Variants in ADAR observed in about 807,000 individuals in gnomAD.
The protein encoded by ADAR is adenosine deaminase RNA specific.
A neutral mutation model predicts 113.2 loss-of-function variants in ADAR; 41 were observed. The ratio of observed to expected loss-of-function variants is 0.36; its 90% CI spans 0.28 to 0.47. The LOEUF is 0.47. Among genes scored for constraint, ADAR ranks in the 20% least tolerant of loss-of-function variants. The pLI is 1.00. For synonymous variants in ADAR, 605 were observed against 572.6 expected, an observed-to-expected ratio of 1.06 and a Z score of -0.81; for missense variants, 1,242 against 1,540.9, an observed-to-expected ratio of 0.81 and a Z score of 3.25.
chr1:154,619,749 C>T (rs191813551), intron 1 of ADAR, among the ~76,000 whole-genome samples: 1 of 152,218 alleles, frequency 6.6e-6, no homozygotes, highest in East Asian at 1.9e-4. Context: ...AATGGGATGC[C>T]GCTTCACAGC....
chr1:154,596,872 C>A lies in ADAR; in HGVS notation c.2203G>T (p.Ala735Ser). 1 of 1,614,106 alleles carries A rather than the reference C, an allele frequency of 6.2e-7. No individual in the cohort carries two copies. The highest frequency in any genetic ancestry group is 8.5e-7 in the Non-Finnish European group (1 of 1,180,032). Residue 735 changes from alanine to serine, a missense_variant, in exon 6 of 15, where the codon GCC (alanine) becomes TCC (serine). Physicochemically the swap from Ala to Ser is moderately conservative, Grantham distance 99 (BLOSUM62 1). This residue lies in a region of ADAR where 780 missense variants were observed against 1,057.9 expected (regional missense o/e 0.74). Coordinates refer to ENST00000368474, the MANE Select transcript of ADAR (RefSeq NM_001111.5). ...TCAGCAGCAAAGCCATGGGAGCGGG[C>A]GTACTCCAAAAGGCCACCCACAGGG... Reference protein sequence around the residue: ...TNPVGGLLEYARSHGFAAEFK... With the variant: ...TNPVGGLLEYSRSHGFAAEFK...
intron 2 of ADAR, 96 bp downstream of exon 2, chr1:154,600,945 C>T (rs954134696): frequency 6.5e-7 from 1 of 1,538,946 alleles, no homozygotes; most frequent in Non-Finnish European, 9.0e-7. Flanking sequence ...AAGATAGGCG[C>T]CACCAAACAG....
intron 1 of ADAR, among the ~76,000 whole-genome samples, chr1:154,626,273 C>A (rs986879449): frequency 6.6e-6 from 1 of 151,906 alleles, no homozygotes; most frequent in South Asian, 2.1e-4. Context: ...CACCATCATG[C>A]TGGTCTAATT....
At chr1:154,626,201 A>C (rs1698933350) in intron 1 of ADAR, among the ~76,000 whole-genome samples, 1 of 136,040 alleles carries the variant, frequency 7.4e-6, no homozygotes, top group Admixed American at 7.2e-5. Context: ...TGCAACCTCC[A>C]CCACCTGGGT....
chr1:154,627,523 C>A (rs921089850), intron 1 of ADAR, among the ~76,000 whole-genome samples: 7 of 152,010 alleles, frequency 4.6e-5, no homozygotes, highest in Admixed American at 1.3e-4. Context: ...TGGTACCCAG[C>A]TGTTGGGCCT....
rs763259702 is a variant in ADAR, at chr1:154,601,076, G to A, written c.1566C>T (p.Asn522=). The A allele has an allele frequency of 1.2e-6, 2 of 1,614,204 alleles. No homozygotes were observed. Among genetic ancestry groups the A allele is most frequent in the South Asian group, 1.1e-5 (1 of 91,078 alleles). The change falls in exon 2 of 15, where the codon AAC becomes AAT. Residue 522 remains asparagine, a synonymous_variant. Transcript: ENST00000368474. This position sits in a 1 kb window ranked among gnomAD's most constrained non-coding sequence, Gnocchi z 4.7. Reference sequence around the variant, plus strand: ...GGGGTGGTCCACTCTGCTCTATCATGTTGAACTCACAGGTTTGACTAGCGA... The same window carrying A: ...GGGGTGGTCCACTCTGCTCTATCATATTGAACTCACAGGTTTGACTAGCGA... ...AQFASQTCEF[N]MIEQSGPPHE...
chr1:154,614,296 C>T (rs1698573995), intron 1 of ADAR, among the ~76,000 whole-genome samples: 1 of 152,224 alleles, frequency 6.6e-6, no homozygotes, highest in Admixed American at 6.5e-5. Flanking sequence ...GGATGCAGCA[C>T]CTGACTGACT....
intron 1 of ADAR, among the ~76,000 whole-genome samples, chr1:154,614,348 C>A (rs1314793552): frequency 2.0e-5 from 3 of 152,212 alleles, no homozygotes; most frequent in African/African-American, 7.2e-5. Flanking sequence ...CGCTACTGGC[C>A]TACATTTGGG....
In ADAR at chr1:154,601,492, T is replaced by G; in HGVS notation, c.1150A>C (p.Lys384Gln). ...ETAPAAIPET[K>Q]RNAEFLTCNI... ...CAGGTGAGGAACTCTGCGTTTCTTTTGGTCTCAGGGATTGCAGCTGGAGCG... is the reference window on the plus strand; with the variant it reads ...CAGGTGAGGAACTCTGCGTTTCTTTGGGTCTCAGGGATTGCAGCTGGAGCG... The change falls in exon 2 of 15, where the codon AAA (lysine) becomes CAA (glutamine). Residue 384 changes from lysine (K) to glutamine (Q), a missense_variant. Lys to Gln is a moderately conservative substitution (Grantham distance 53, BLOSUM62 1). This residue lies in a region of ADAR where 462 missense variants were observed against 483.1 expected (regional missense o/e 0.96). Transcript: ENST00000368474. This position sits in a 1 kb window ranked among gnomAD's most constrained non-coding sequence, Gnocchi z 4.7. 1 of 1,614,130 alleles carries G rather than the reference T, an allele frequency of 6.2e-7. No individual in the cohort carries two copies.
chr1:154,622,924 T>C (rs1342648269), intron 1 of ADAR, among the ~76,000 whole-genome samples: 1 of 152,140 alleles, frequency 6.6e-6, no homozygotes, highest in Non-Finnish European at 1.5e-5. Flanking sequence ...CCTTTCCACA[T>C]TGTTCTCATG....
intron 1 of ADAR, among the ~76,000 whole-genome samples, chr1:154,624,225 C>G (rs1035703609): frequency 6.6e-6 from 1 of 152,100 alleles, no homozygotes; most frequent in Non-Finnish European, 1.5e-5. Context: ...TGGGTTTGTG[C>G]CACTTGCAAG....
intron 12 of ADAR, 69 bp from the exon 13 acceptor site, chr1:154,585,934 T>C (rs1696727762): frequency 1.4e-6 from 2 of 1,413,846 alleles, no homozygotes; most frequent in African/African-American, 1.4e-5. Flanking sequence ...CAGAAGCATG[T>C]GGGGATTTTG....
At chr1:154,603,568 C>T (rs1023169861) in intron 1 of ADAR, among the ~76,000 whole-genome samples, 1 of 152,156 alleles carries the variant, frequency 6.6e-6, no homozygotes, top group Non-Finnish European at 1.5e-5. Context: ...ACGGACAGGG[C>T]ACAAGCAACC....
chr1:154,627,672 G>A (rs1342877474), intron 1 of ADAR, among the ~76,000 whole-genome samples: 1 of 152,222 alleles, frequency 6.6e-6, no homozygotes, highest in African/African-American at 2.4e-5. Flanking sequence ...CTCCTGGAAG[G>A]CTGCCGAGAC....
At chr1:154,590,138 A>AGGGGGGGGGGGGGGGGGGGGGGG in intron 7 of ADAR, 46 bp downstream of exon 7, 7 of 1,173,760 alleles carry the variant, frequency 6.0e-6, no homozygotes, top group African/African-American at 1.8e-5. Flanking sequence ...AGGAGTTAGG[A>AGGGGGGGGGGGGGGGGGGGGGGG]GGACCCCCCC....
At chr1:154,596,061 A>G (rs1311933784) in intron 6 of ADAR, among the ~76,000 whole-genome samples, 3 of 152,202 alleles carry the variant, frequency 2.0e-5, no homozygotes, top group Non-Finnish European at 4.4e-5. Flanking sequence ...CGTGTGTAGG[A>G]GCCCATGCCA....
chr1:154,591,831 TC>T (rs1230073797), intron 6 of ADAR, among the ~76,000 whole-genome samples: 2 of 152,200 alleles, frequency 1.3e-5, no homozygotes, highest in Non-Finnish European at 2.9e-5. Context: ...TTCACTCTTT[TC>T]TTTGTCCATG....
At chr1:154,623,008 G>A (rs541741901) in intron 1 of ADAR, among the ~76,000 whole-genome samples, 15 of 152,320 alleles carry the variant, frequency 9.8e-5, no homozygotes, top group Admixed American at 2.6e-4. Flanking sequence ...TCAGTTATGA[G>A]TGCTATGAAG....
At chr1:154,591,476 G>A (rs1247887159) in intron 6 of ADAR, among the ~76,000 whole-genome samples, 1 of 152,254 alleles carries the variant, frequency 6.6e-6, no homozygotes, top group Non-Finnish European at 1.5e-5. Flanking sequence ...GCTAACTCTG[G>A]GGTAAGGAAT....
Sources: gnomAD v4.1 joint callset for allele counts (sites outside exome capture counted in the v4.1 genomes callset) on GRCh38, gnomAD v4.1.1 for gene constraint, gnomAD v4.1.1 regional missense constraint, Gnocchi (gnomAD v3.1) non-coding constraint, MANE v1.5 for transcripts, NCBI Gene and HGNC (gene_info 2026-07-23, HGNC 2026-07-21) for gene names.